Variants in SZT2 observed in about 807,000 individuals in gnomAD.
The protein encoded by SZT2 is SZT2 subunit of KICSTOR complex.
Under a neutral mutation model 404.2 loss-of-function variants are expected in SZT2, and 216 were observed. The observed-to-expected ratio is 0.53, with a 90% confidence interval of 0.48 to 0.60. SZT2 has a LOEUF of 0.60. Ranked by LOEUF, SZT2 falls within the 20% of genes least tolerant of loss-of-function variation. SZT2 has a pLI of 0.00. For synonymous variants in SZT2, 1,693 were observed against 1,749.9 expected (o/e 0.97, Z 0.81); for missense variants, 3,857 against 4,459.2 (o/e 0.86, Z 3.85).
Position 43,437,220 on chromosome 1 carries a change from A to G in SZT2, c.6084A>G (p.Thr2028=), listed in dbSNP as rs1366420391. 9.3e-6 allele frequency: 15 copies of G among 1,614,140 alleles called. No homozygotes were observed. The highest frequency in any genetic ancestry group is 2.2e-5 in the East Asian group (1 of 44,870). The change falls in exon 43 of 72, where the codon ACA becomes ACG. Residue 2028 remains threonine (T), a synonymous_variant. Coordinates refer to ENST00000634258, the MANE Select transcript of SZT2 (RefSeq NM_001365999.1). This position sits in a 1 kb window ranked among gnomAD's most constrained non-coding sequence, Gnocchi z 5.3. ...SCAPRGYLAA[T]MQFVPGHFSC... is the part of the protein sequence containing the mutation. ...CGCCCCGTGGGTACCTGGCAGCCAC[A>G]ATGCAGTTTGTCCCTGGCCATTTCT...
chr1:43,393,889 G>T (rs570233940), intron 1 of SZT2: 1 of 154,644 alleles, frequency 6.5e-6, no homozygotes, highest in East Asian at 1.9e-4. Flanking sequence ...ACATCCCTAT[G>T]AAGATATTCT....
intron 4 of SZT2, among the ~76,000 whole-genome samples, chr1:43,414,532 T>C (rs751387159): frequency 5.3e-5 from 8 of 152,002 alleles, no homozygotes; most frequent in Non-Finnish European, 1.0e-4. Flanking sequence ...AGTTAAGCAA[T>C]TCTCTTGCCT....
rs1426688949 is a variant in SZT2 at position 43,426,966 on chromosome 1, C to G, written c.3310-90C>G. The G allele has an allele frequency of 2.5e-6, 4 of 1,583,916 alleles. No individual in the cohort carries two copies. The highest frequency in any genetic ancestry group is 1.7e-5 in the Admixed American group (1 of 58,194). Reference sequence around the variant, plus strand: ...ATTGTCCTGGATCTTTCAAGCTATACCTAAGATGAGTCAGCTCTAGGGTGG... The same window carrying G: ...ATTGTCCTGGATCTTTCAAGCTATAGCTAAGATGAGTCAGCTCTAGGGTGG... On this transcript the variant is annotated intron_variant, in intron 23 of 71. Transcript: ENST00000634258. This position sits in a 1 kb window ranked among gnomAD's most constrained non-coding sequence, Gnocchi z 4.9.
chr1:43,400,980 G>A (rs373018730), intron 1 of SZT2, among the ~76,000 whole-genome samples: 14 of 152,108 alleles, frequency 9.2e-5, no homozygotes, highest in African/African-American at 3.4e-4. Flanking sequence ...GGAGTGCCAT[G>A]GTGCCATCAT....
Position 43,433,524 on chromosome 1 carries a change from G to A in SZT2, c.5804+334G>A, listed in dbSNP as rs187758321. On this transcript the variant is annotated intron_variant, in intron 40 of 71. Coordinates refer to ENST00000634258, the MANE Select transcript of SZT2 (RefSeq NM_001365999.1). Reference sequence around the variant, plus strand: ...AGGCTGGGCGTGGTAGCTCATGCCCGTAATCCCAGCACTTTGGGAGGCCGA... The same window carrying A: ...AGGCTGGGCGTGGTAGCTCATGCCCATAATCCCAGCACTTTGGGAGGCCGA... Among the ~76,000 whole-genome samples the A allele has an allele frequency of 2.0e-4, 31 of 152,348 alleles. No individual in the cohort carries two copies. In the East Asian group the frequency reaches 3.7e-3, roughly 18 times the overall value.
rs1178147261 is a variant in SZT2 at position 43,439,493 on chromosome 1, T to C, written c.6877+51T>C. ...GCACCACCAGGTGAGGGAAAGCCTT[T>C]TGTCATCCTATTGCTAAGAGGACAT... On this transcript the variant is annotated intron_variant, in intron 49 of 71. Transcript: ENST00000634258. This position sits in a 1 kb window ranked among gnomAD's most constrained non-coding sequence, Gnocchi z 4.2. The C allele has an allele frequency of 1.3e-6, 2 of 1,597,752 alleles. No homozygotes were observed. The highest frequency in any genetic ancestry group is 1.7e-6 in the Non-Finnish European group (2 of 1,170,536).
At chr1:43,393,165 A>G (rs2153927208) in intron 1 of SZT2, among the ~76,000 whole-genome samples, 2 of 152,286 alleles carry the variant, frequency 1.3e-5, no homozygotes, top group Middle Eastern at 6.8e-3. Context: ...AGTTTTCTAA[A>G]AGAAGAGGCA....
Position 43,404,032 on chromosome 1 carries a change from A to C in SZT2, c.327+258A>C, listed in dbSNP as rs140381110. 4,983 of 534,246 alleles carry C rather than the reference A, an allele frequency of 9.3e-3. 43 individuals are homozygous for C. The highest frequency in any genetic ancestry group is 0.012 in the Non-Finnish European group (3,600 of 299,794). The allele number at this position is 534,246 out of a possible 1,614,324, so 33.1% of individuals were successfully genotyped here. A position where few individuals can be genotyped will look rare whatever the true frequency, so the allele number is the denominator to read the frequency against. On this transcript the variant is annotated intron_variant, in intron 3 of 71. Coordinates refer to ENST00000634258, the MANE Select transcript of SZT2 (RefSeq NM_001365999.1). ...CGAGACTAGCCTGGGCCACATGGCA[A>C]AACTCCCTCTCTATAAAAAATACAA...
chr1:43,415,334 A>G, intron 5 of SZT2, 121 bp downstream of exon 5: 2 of 1,241,520 alleles, frequency 1.6e-6, no homozygotes, highest in Non-Finnish European at 2.2e-6. Flanking sequence ...GCAAAATGAG[A>G]CAAGGATAGG....
At chr1:43,419,314 A>G (rs1652065893) in intron 7 of SZT2, among the ~76,000 whole-genome samples, 1 of 152,262 alleles carries the variant, frequency 6.6e-6, no homozygotes, top group Admixed American at 6.5e-5. Context: ...ACCAGCAGAA[A>G]GCTTGTTTGA....
At chr1:43,402,732 G>A (rs187396802) in intron 1 of SZT2, among the ~76,000 whole-genome samples, 48 of 152,268 alleles carry the variant, frequency 3.2e-4, no homozygotes, top group Non-Finnish European at 5.4e-4. Flanking sequence ...CTATTCCTTC[G>A]GTGAAAATTT....
chr1:43,437,953 C>T lies in SZT2; in HGVS notation c.6508+51C>T. On this transcript the variant is annotated intron_variant, in intron 46 of 71. Coordinates refer to ENST00000634258, the MANE Select transcript of SZT2 (RefSeq NM_001365999.1). This position sits in a 1 kb window ranked among gnomAD's most constrained non-coding sequence, Gnocchi z 5.3. ...AGTCGCCACATGAGGTTCCAGAATCCTCTGGGACTTCTCTTAGAACCTTGC... is the reference window on the plus strand; with the variant it reads ...AGTCGCCACATGAGGTTCCAGAATCTTCTGGGACTTCTCTTAGAACCTTGC... The T allele has an allele frequency of 6.4e-7, 1 of 1,560,352 alleles. No homozygotes were observed. The highest frequency in any genetic ancestry group is 8.8e-7 in the Non-Finnish European group (1 of 1,132,082).
At chr1:43,414,011 G>A (rs566968326) in intron 4 of SZT2, among the ~76,000 whole-genome samples, 1 of 152,306 alleles carries the variant, frequency 6.6e-6, no homozygotes, top group South Asian at 2.1e-4. Flanking sequence ...GGTAGGCATG[G>A]TGACTCATGC....
In SZT2 at chr1:43,427,724, C is replaced by G. The variant is rs1570655660; in HGVS notation, c.3793C>G (p.Leu1265Val). ...GCAGCCCCCTCAGGCGCCCCGAGAC[C>G]TCATCTTCCGGTGAGTGCCTTCAGT... is the stretch of plus-strand genomic sequence containing the variant. ...GMQPPQAPRD[L>V]IFRTQFLDHP... Residue 1265 changes from leucine to valine, a missense_variant, in exon 26 of 72, where the codon CTC (leucine) becomes GTC (valine). Leu to Val is a conservative substitution (Grantham distance 32, BLOSUM62 1). Coordinates refer to ENST00000634258, the MANE Select transcript of SZT2 (RefSeq NM_001365999.1). 1 of 1,613,410 alleles carries G rather than the reference C, an allele frequency of 6.2e-7. No homozygotes were observed. The highest frequency in any genetic ancestry group is 1.3e-5 in the African/African-American group (1 of 75,028).
Position 43,423,168 on chromosome 1 carries a change from A to T in SZT2, c.2107A>T (p.Thr703Ser), listed in dbSNP as rs763624457. 1.3e-6 allele frequency: 2 copies of T among 1,597,360 alleles called. No homozygotes were observed. The highest frequency in any genetic ancestry group is 1.7e-6 in the Non-Finnish European group (2 of 1,179,456). Residue 703 changes from threonine (T) to serine (S), a missense_variant, in exon 15 of 72, where the codon ACG (threonine) becomes TCG (serine). Thr to Ser is a moderately conservative substitution (Grantham distance 58). Coordinates refer to ENST00000634258, the MANE Select transcript of SZT2 (RefSeq NM_001365999.1). ...FPHRVQSKEP[T>S]PKVKRKGLGG... The stretch of plus-strand genomic sequence containing the variant: ...CCACCGGGTACAAAGCAAGGAGCCA[A>T]CGCCCAAGGTGAAACGAAAAGGGCT...
intron 66 of SZT2, 76 bp from the exon 67 acceptor site, chr1:43,447,469 C>T: frequency 6.4e-7 from 1 of 1,553,972 alleles, no homozygotes; most frequent in East Asian, 2.3e-5. Context: ...TTAAAGACTC[C>T]CATCCCTGTG....
In SZT2 at chr1:43,441,633, A is replaced by G. The variant is rs750886403; in HGVS notation, c.7609+32A>G. 14 of 1,613,550 alleles carry G rather than the reference A, an allele frequency of 8.7e-6. No homozygotes were observed. Among genetic ancestry groups the G allele is most frequent in the Admixed American group, 1.7e-5 (1 of 59,966 alleles). On this transcript the variant is annotated intron_variant, in intron 54 of 71. Coordinates refer to ENST00000634258, the MANE Select transcript of SZT2 (RefSeq NM_001365999.1). The surrounding 1 kb of genome is among the most constrained non-coding windows in gnomAD (Gnocchi z 4.8). ...CCCCAGCCTCCCCTCCCATCCCTCA[A>G]CCCCAGCCTGGTCTCCATCCTGCAG...
Position 43,441,232 on chromosome 1 carries a change from G to T in SZT2, c.7363G>T (p.Asp2455Tyr). Reference sequence around the variant, plus strand: ...CCCCCAGAGTAAAACAGAATGTGGGGATTTGGGTTCCCCCAAAACAACTGA... The same window carrying T: ...CCCCCAGAGTAAAACAGAATGTGGGTATTTGGGTTCCCCCAAAACAACTGA... Reference protein sequence around the residue: ...WDMLSKTECGDLGSPKTTDDI... With the variant: ...WDMLSKTECGYLGSPKTTDDI... Residue 2455 changes from aspartate (D) to tyrosine (Y), a missense_variant, in exon 53 of 72, where the codon GAT becomes TAT. Physicochemically the swap from Asp to Tyr is radical, Grantham distance 160 (BLOSUM62 -3). This residue lies in a region of SZT2 where 573 missense variants were observed against 592.4 expected (regional missense o/e 0.97). Transcript: ENST00000634258. This position sits in a 1 kb window ranked among gnomAD's most constrained non-coding sequence, Gnocchi z 4.8. 6.2e-7 allele frequency: 1 copy of T among 1,614,170 alleles called. No homozygotes were observed. Among genetic ancestry groups the T allele is most frequent in the South Asian group, 1.1e-5 (1 of 91,086 alleles).
chr1:43,426,161 C>T lies in SZT2; in HGVS notation c.3043+10C>T, dbSNP rs752209815. ...CTCTTGCTTGCCAGAGGTAGGTGAACCTGGTACCCTTTCACCCCACACCTA... is the reference window on the plus strand; with the variant it reads ...CTCTTGCTTGCCAGAGGTAGGTGAATCTGGTACCCTTTCACCCCACACCTA... On this transcript the variant is annotated intron_variant, in intron 21 of 71. Transcript: ENST00000634258. The surrounding 1 kb of genome is among the most constrained non-coding windows in gnomAD (Gnocchi z 4.9). The T allele has an allele frequency of 1.2e-6, 2 of 1,612,680 alleles. No individual in the cohort carries two copies. Among genetic ancestry groups the T allele is most frequent in the South Asian group, 2.2e-5 (2 of 91,002 alleles).
Sources: gnomAD v4.1 joint callset for allele counts (sites outside exome capture counted in the v4.1 genomes callset) on GRCh38, gnomAD v4.1.1 for gene constraint, gnomAD v4.1.1 regional missense constraint, Gnocchi (gnomAD v3.1) non-coding constraint, MANE v1.5 for transcripts, NCBI Gene and HGNC (gene_info 2026-07-23, HGNC 2026-07-21) for gene names.